RIC1: variants seen among roughly 807,000 people sequenced by gnomAD.
RIC1 encodes the protein guanine nucleotide exchange factor subunit RIC1.
A neutral mutation model predicts 169.0 loss-of-function variants in RIC1; 88 were observed. That is an observed-to-expected ratio of 0.52 (90% confidence interval 0.44 to 0.62). The LOEUF (loss-of-function observed/expected upper bound fraction) is 0.62. Ranked by LOEUF, RIC1 falls within the 20% of genes least tolerant of loss-of-function variation. The pLI is 0.00. For missense variants in RIC1, 1,877 were observed against 1,725.5 expected (o/e 1.09, Z -1.56); for synonymous variants, 790 against 601.5 (o/e 1.31, Z -4.59).
chr9:5,748,298 C>T (rs1410641167), intron 12 of RIC1, among the ~76,000 whole-genome samples: 1 of 152,106 alleles, frequency 6.6e-6, no homozygotes, highest in East Asian at 1.9e-4. Context: ...CTTACTTTGA[C>T]TCTCTATATG....
intron 1 of RIC1, among the ~76,000 whole-genome samples, chr9:5,638,196 C>A (rs1198385394): frequency 3.3e-5 from 5 of 152,142 alleles, no homozygotes; most frequent in Admixed American, 3.3e-4. Context: ...GGAATAAATA[C>A]CACTTGTTCA....
chr9:5,686,803 A>C (rs1305861994), intron 2 of RIC1, among the ~76,000 whole-genome samples: 2 of 152,074 alleles, frequency 1.3e-5, no homozygotes, highest in Non-Finnish European at 2.9e-5. Context: ...TATGTTAATG[A>C]GGGATCTTGG....
chr9:5,730,897 C>T (rs533350797), intron 6 of RIC1, among the ~76,000 whole-genome samples: 4 of 152,166 alleles, frequency 2.6e-5, no homozygotes, highest in African/African-American at 9.6e-5. Flanking sequence ...TACTACTTTC[C>T]TTTCACAACC....
rs376971218 is a variant in RIC1, at chr9:5,769,038, G to A, written c.3206G>A (p.Arg1069His). 56 of 1,613,960 alleles carry A rather than the reference G, an allele frequency of 3.5e-5. 1 individual carries two copies. In the South Asian group the frequency reaches 4.3e-4, roughly 12 times the overall value. The change falls in exon 22 of 26, where the codon CGC becomes CAC. Residue 1069 changes from arginine to histidine, a missense_variant. Around this residue, in one of 3 missense-constraint regions of RIC1, gnomAD observed 681 missense variants for 582.0 expected, o/e 1.17. Coordinates refer to ENST00000414202, the MANE Select transcript of RIC1 (RefSeq NM_020829.4). ...IDMMLWRHAR[R>H]LLEDVRLKDL... ...ATGATGCTCTGGAGACATGCTCGGC[G>A]CCTCTTAGAAGATGTGAGGTTAAAG...
At chr9:5,679,603 T>C (rs1820687217) in intron 2 of RIC1, among the ~76,000 whole-genome samples, 1 of 152,130 alleles carries the variant, frequency 6.6e-6, no homozygotes, top group Non-Finnish European at 1.5e-5. Context: ...TTTGAAGCAA[T>C]TGTGAATGGG....
intron 2 of RIC1, among the ~76,000 whole-genome samples, chr9:5,662,062 G>T (rs1232893654): frequency 6.6e-6 from 1 of 152,132 alleles, no homozygotes; most frequent in East Asian, 1.9e-4. Flanking sequence ...TTTTATTAAA[G>T]ACCTTTTCCG....
chr9:5,636,365 G>C (rs564974266), intron 1 of RIC1, among the ~76,000 whole-genome samples: 39 of 152,192 alleles, frequency 2.6e-4, no homozygotes, highest in South Asian at 1.2e-3. Context: ...TGTCACCGAG[G>C]CTGGAGTGCA....
chr9:5,678,819 C>G (rs1211197230), intron 2 of RIC1, among the ~76,000 whole-genome samples: 3 of 152,088 alleles, frequency 2.0e-5, no homozygotes, highest in Non-Finnish European at 4.4e-5. Context: ...ATGGTAGTTT[C>G]TTTTGCTGTG....
intron 3 of RIC1, among the ~76,000 whole-genome samples, chr9:5,693,736 A>G (rs1733505023): frequency 6.6e-6 from 1 of 152,184 alleles, no homozygotes; most frequent in African/African-American, 2.4e-5. Flanking sequence ...GTAGATTTCT[A>G]AATTGCACAT....
intron 2 of RIC1, among the ~76,000 whole-genome samples, chr9:5,680,019 A>G (rs1478092598): frequency 5.9e-5 from 9 of 152,206 alleles, no homozygotes; most frequent in African/African-American, 2.2e-4. Context: ...CATCCCATCA[A>G]TACCTAATTT....
chr9:5,669,977 G>A (rs1268789947), intron 2 of RIC1, among the ~76,000 whole-genome samples: 3 of 152,120 alleles, frequency 2.0e-5, no homozygotes, highest in Admixed American at 1.3e-4. Context: ...ATGCACAGAT[G>A]GACCTAAGAG....
At chr9:5,769,565 G>C (rs972785220) in intron 22 of RIC1, 47 of 895,144 alleles carry the variant, frequency 5.3e-5, no homozygotes, top group Non-Finnish European at 7.2e-5. Context: ...GTGGGAAGGA[G>C]TTCTGGAATC....
intron 2 of RIC1, among the ~76,000 whole-genome samples, chr9:5,664,206 G>A (rs567017004): frequency 7.3e-5 from 11 of 151,654 alleles, no homozygotes; most frequent in Middle Eastern, 3.4e-3. Flanking sequence ...TCAAGAGATC[G>A]ACACCATCCT....
At chr9:5,715,351 A>G (rs931759747) in intron 4 of RIC1, among the ~76,000 whole-genome samples, 2 of 151,050 alleles carry the variant, frequency 1.3e-5, no homozygotes, top group Non-Finnish European at 3.0e-5. Flanking sequence ...AGCCAAAAAG[A>G]AAAAAAAACA....
intron 6 of RIC1, among the ~76,000 whole-genome samples, chr9:5,729,481 A>G (rs1310539220): frequency 6.6e-6 from 1 of 152,112 alleles, no homozygotes; most frequent in Non-Finnish European, 1.5e-5. Flanking sequence ...TCAGTTAAGG[A>G]TTCTACTCAT....
At chr9:5,727,269 T>C (rs1465944249) in intron 6 of RIC1, among the ~76,000 whole-genome samples, 1 of 152,198 alleles carries the variant, frequency 6.6e-6, no homozygotes, top group Non-Finnish European at 1.5e-5. Context: ...ACTCTTTTTT[T>C]CTCTAAACTT....
In RIC1 at chr9:5,768,990, G is replaced by A. The variant is rs993367063; in HGVS notation, c.3158G>A (p.Cys1053Tyr). The part of the protein sequence containing the change: ...SGKRWSKDSD[C>Y]AENMYIDMML... ...TACAGATGGAGCAAAGACAGTGACTGTGCTGAGAACATGTATATTGACATG... is the reference window on the plus strand; with the variant it reads ...TACAGATGGAGCAAAGACAGTGACTATGCTGAGAACATGTATATTGACATG... Residue 1053 changes from cysteine (C) to tyrosine (Y), a missense_variant, in exon 22 of 26, where the codon TGT becomes TAT. This residue lies in a region of RIC1 where 681 missense variants were observed against 582.0 expected (regional missense o/e 1.17). Coordinates refer to ENST00000414202, the MANE Select transcript of RIC1 (RefSeq NM_020829.4). 6.2e-7 allele frequency: 1 copy of A among 1,612,282 alleles called. No homozygotes were observed. The highest frequency in any genetic ancestry group is 1.7e-4 in the Middle Eastern group (1 of 6,044).
At chr9:5,682,566 A>C (rs1820922022) in intron 2 of RIC1, among the ~76,000 whole-genome samples, 1 of 148,432 alleles carries the variant, frequency 6.7e-6, no homozygotes, top group Admixed American at 6.7e-5. Flanking sequence ...GGGTAACCCG[A>C]CCTTTCTCTG....
intron 1 of RIC1, among the ~76,000 whole-genome samples, chr9:5,631,467 C>T (rs1817711677): frequency 6.6e-6 from 1 of 152,048 alleles, no homozygotes; most frequent in Non-Finnish European, 1.5e-5. Flanking sequence ...ATCAGATATT[C>T]ACGAGGTCAA....
Sources: gnomAD v4.1 joint callset for allele counts (sites outside exome capture counted in the v4.1 genomes callset) on GRCh38, gnomAD v4.1.1 for gene constraint, gnomAD v4.1.1 regional missense constraint, MANE v1.5 for transcripts, NCBI Gene and HGNC (gene_info 2026-07-23, HGNC 2026-07-21) for gene names.